The following CSMD2 variants were observed in gnomAD, a reference collection of about 807,000 sequenced individuals.
CSMD2 encodes the protein CUB and Sushi multiple domains 2.
A neutral mutation model predicts 398.5 loss-of-function variants in CSMD2; 130 were observed. That is an observed-to-expected ratio of 0.33 (90% CI 0.28 to 0.38). The LOEUF (loss-of-function observed/expected upper bound fraction) is 0.38. CSMD2 is among the 10% of genes least tolerant of loss of function. The pLI is 1.00. For synonymous variants in CSMD2, 1,828 were observed against 1,908.5 expected, an observed-to-expected ratio of 0.96 and a Z score of 1.10; for missense variants, 3,829 against 4,764.9, an observed-to-expected ratio of 0.80 and a Z score of 5.78.
chr1:33,578,555 G>A (rs1455980103), intron 48 of CSMD2, among the ~76,000 whole-genome samples: 3 of 152,142 alleles, frequency 2.0e-5, no homozygotes, highest in Non-Finnish European at 4.4e-5. Context: ...TCCAGCGTGG[G>A]TGACAGAGTG....
intron 5 of CSMD2, among the ~76,000 whole-genome samples, chr1:33,896,157 T>C (rs1016979793): frequency 4.6e-5 from 7 of 152,120 alleles, no homozygotes; most frequent in Non-Finnish European, 1.0e-4. Context: ...GATGAATTCA[T>C]GCTCATCAGA....
intron 28 of CSMD2, among the ~76,000 whole-genome samples, chr1:33,647,310 C>A (rs1178789169): frequency 1.3e-5 from 2 of 152,124 alleles, no homozygotes; most frequent in East Asian, 1.9e-4. Context: ...TAGCTTTGTG[C>A]CTTCATCCCA....
At chr1:33,961,500 G>T (rs1436025119) in intron 3 of CSMD2, among the ~76,000 whole-genome samples, 1 of 152,242 alleles carries the variant, frequency 6.6e-6, no homozygotes, top group African/African-American at 2.4e-5. Flanking sequence ...TCTGGAATCA[G>T]ATAGGCCTGG....
intron 38 of CSMD2, 49 bp from the exon 39 acceptor site, chr1:33,617,024 T>C (rs758119871): frequency 2.7e-6 from 4 of 1,475,172 alleles, no homozygotes; most frequent in Admixed American, 1.7e-5. Context: ...GTGGGCACAA[T>C]TGTATGTACA....
chr1:33,626,071 G>A (rs1256197595), intron 33 of CSMD2, among the ~76,000 whole-genome samples: 2 of 152,164 alleles, frequency 1.3e-5, no homozygotes, highest in Admixed American at 1.3e-4. Flanking sequence ...TGGGGAGGTG[G>A]GATTCAAATC....
At chr1:33,666,712 AGAG>A (rs1201689582) in intron 25 of CSMD2, among the ~76,000 whole-genome samples, 3 of 152,098 alleles carry the variant, frequency 2.0e-5, no homozygotes, top group Non-Finnish European at 2.9e-5. Flanking sequence ...TGATTTGAAA[AGAG>A]GAGAAGGAGA....
At chr1:33,968,881 AAT>A (rs1645653703) in intron 3 of CSMD2, among the ~76,000 whole-genome samples, 1 of 152,236 alleles carries the variant, frequency 6.6e-6, no homozygotes, top group Non-Finnish European at 1.5e-5. Flanking sequence ...TATTGGGAAC[AAT>A]AGGAAACTCA....
intron 5 of CSMD2, among the ~76,000 whole-genome samples, chr1:33,890,224 TTTTC>T (rs1247573485): frequency 2.1e-3 from 267 of 127,676 alleles, no homozygotes; most frequent in African/African-American, 7.5e-3. Flanking sequence ...TACATATTCT[TTTTC>T]TTTCTTTTTT....
intron 5 of CSMD2, among the ~76,000 whole-genome samples, chr1:33,899,877 C>T (rs1642636309): frequency 6.6e-6 from 1 of 152,214 alleles, no homozygotes; most frequent in East Asian, 1.9e-4. Flanking sequence ...GACCTCAGGG[C>T]TGCCTGGCCC....
At chr1:34,146,995 T>C (rs950977128) in intron 1 of CSMD2, among the ~76,000 whole-genome samples, 3 of 152,152 alleles carry the variant, frequency 2.0e-5, no homozygotes, top group African/African-American at 4.8e-5. Flanking sequence ...CGGTGGCTCA[T>C]GCCTGTAATC....
chr1:34,126,609 G>A (rs897741593), intron 1 of CSMD2, among the ~76,000 whole-genome samples: 1 of 152,172 alleles, frequency 6.6e-6, no homozygotes, highest in African/African-American at 2.4e-5. Flanking sequence ...CTGTGCCCTC[G>A]CTCCCTTGTA....
intron 5 of CSMD2, chr1:33,878,419 C>A (rs1640996149): frequency 6.6e-6 from 1 of 152,286 alleles, no homozygotes; most frequent in South Asian, 2.1e-4. Flanking sequence ...CCAACATGGG[C>A]CTCCCTTGAG....
chr1:33,693,019 C>T lies in CSMD2; in HGVS notation c.3963G>A (p.Gly1321=), dbSNP rs773831610. 4.0e-5 allele frequency: 64 copies of T among 1,603,730 alleles called. No homozygotes were observed. The highest frequency in any genetic ancestry group is 3.8e-5 in the Non-Finnish European group (45 of 1,175,690). The change falls in exon 25 of 71, where the codon GGG becomes GGA. Residue 1321 remains glycine (G), a synonymous_variant. Coordinates refer to ENST00000373381, the MANE Select transcript of CSMD2 (RefSeq NM_001281956.2). ...CGGTVRGEVS[G]QVLSPGYPAP... ...CTGGATACCCGGGTGACAGCACCTG[C>T]CCCGACACCTCTCCTCTCACTGTCC...
At chr1:33,900,502 C>A (rs1977207) in intron 5 of CSMD2, among the ~76,000 whole-genome samples, 107,595 of 152,158 alleles carry the variant, frequency 0.71, 38,331 homozygotes, top group East Asian at 0.84. Context: ...TGTGGCTGGG[C>A]GCAATGGCTC....
chr1:33,630,149 C>G (rs1288310008), intron 32 of CSMD2, among the ~76,000 whole-genome samples: 23 of 151,954 alleles, frequency 1.5e-4, no homozygotes, highest in Admixed American at 1.5e-3. Context: ...ATATCTACAT[C>G]CATATTTACA....
intron 2 of CSMD2, among the ~76,000 whole-genome samples, chr1:34,082,048 C>A (rs1324594565): frequency 7.3e-5 from 11 of 150,310 alleles, no homozygotes; most frequent in African/African-American, 2.5e-4. Flanking sequence ...TCTTCCCGGC[C>A]GTCATCCCGT....
In CSMD2 at chr1:33,726,607, A is replaced by G; in HGVS notation, c.2447T>C (p.Leu816Ser). The change falls in exon 16 of 71, where the codon TTG (leucine) becomes TCG (serine). Residue 816 changes from leucine (L) to serine (S), a missense_variant. Leu to Ser is a moderately radical substitution (Grantham distance 145, BLOSUM62 -2). This residue lies in a region of CSMD2 where 2,001 missense variants were observed against 2,567.1 expected (regional missense o/e 0.78). Transcript: ENST00000373381. ...GGCCTCAATCACCCAGGCACAGCTC[A>G]AGGCATCCTTGTAGAAGCCAGGCCA... Reference protein sequence around the residue: ...PGWPGFYKDALSCAWVIEAQP... With the variant: ...PGWPGFYKDASSCAWVIEAQP... 6.2e-7 allele frequency: 1 copy of G among 1,613,840 alleles called. No homozygotes were observed. Among genetic ancestry groups the G allele is most frequent in the South Asian group, 1.1e-5 (1 of 91,004 alleles).
At chr1:33,940,979 T>C (rs1436057836) in intron 3 of CSMD2, among the ~76,000 whole-genome samples, 1 of 152,142 alleles carries the variant, frequency 6.6e-6, no homozygotes, top group Non-Finnish European at 1.5e-5. Context: ...TAAGGCACCG[T>C]GTTCTTTGAT....
intron 3 of CSMD2, among the ~76,000 whole-genome samples, chr1:33,994,236 T>C (rs1190356558): frequency 2.6e-5 from 4 of 152,144 alleles, no homozygotes; most frequent in Admixed American, 6.5e-5. Flanking sequence ...TAATAATCCA[T>C]TGGATCCAGC....
Sources: gnomAD v4.1 joint callset for allele counts (sites outside exome capture counted in the v4.1 genomes callset) on GRCh38, gnomAD v4.1.1 for gene constraint, gnomAD v4.1.1 regional missense constraint, MANE v1.5 for transcripts, NCBI Gene and HGNC (gene_info 2026-07-23, HGNC 2026-07-21) for gene names.